Variants in SPOCK2 observed in about 807,000 individuals in gnomAD.
SPOCK2 encodes testican-2.
In SPOCK2, 39 loss-of-function variants were observed where a neutral mutation model predicts 60.1. The ratio of observed to expected loss-of-function variants is 0.65; its 90% confidence interval spans 0.50 to 0.85. SPOCK2 has a LOEUF of 0.85. Ranked by LOEUF, SPOCK2 falls within the 40% of genes least tolerant of loss-of-function variation. The pLI is 0.00. For missense variants in SPOCK2, 523 were observed against 567.4 expected (o/e 0.92, Z 0.80); for synonymous variants, 217 against 231.5 (o/e 0.94, Z 0.57).
intron 1 of SPOCK2, chr10:72,086,844 C>T: frequency 6.5e-7 from 1 of 1,545,884 alleles, no homozygotes; most frequent in Non-Finnish European, 8.7e-7. Context: ...CAAATCTCTG[C>T]CTCTTCCCAT....
At position 72,061,618 on chromosome 10, in the gene SPOCK2, T is replaced by C. The variant is rs968303731; in HGVS notation, c.*1142A>G. On this transcript the variant is annotated 3_prime_UTR_variant, in exon 11 of 11. Transcript: ENST00000373109. ...GGGAGGAGGTGGGCACACACCCCCT[T>C]AGCCTAGACCCAGGCTCCTTGCCTG... The C allele has an allele frequency of 1.5e-4, 23 of 152,434 alleles. No individual in the cohort carries two copies. Among genetic ancestry groups the C allele is most frequent in the Admixed American group, 6.5e-4 (10 of 15,284 alleles). 9.4% of individuals were successfully genotyped at this position (152,434 alleles called of 1,614,324 possible).
At position 72,063,143 on chromosome 10, in the gene SPOCK2, G is replaced by T; in HGVS notation, c.1011C>A (p.Cys337Ter). 6.4e-7 allele frequency: 1 copy of T among 1,556,870 alleles called. No individual in the cohort carries two copies. The highest frequency in any genetic ancestry group is 1.4e-5 in the African/African-American group (1 of 73,368). ...KKKPGIFIPS[C>*]DEDGYYRKMQ... ...TCTTCCGGTAGTAGCCATCCTCGTC[G>T]CAGCTCGGGATGAAGATGCCTGAAT... The change falls in exon 10 of 11, where the codon TGC becomes TGA. Residue 337 changes from cysteine to a stop codon, truncating the protein, a stop_gained. Coordinates refer to ENST00000373109, the MANE Select transcript of SPOCK2 (RefSeq NM_001244950.2). LOFTEE classifies it high-confidence loss of function.
intron 4 of SPOCK2, among the ~76,000 whole-genome samples, chr10:72,070,836 C>A (rs1171387413): frequency 6.6e-6 from 1 of 151,936 alleles, no homozygotes; most frequent in Non-Finnish European, 1.5e-5. Flanking sequence ...TATGCACTAA[C>A]ATTTACCAAA....
In SPOCK2 at chr10:72,088,290, C is replaced by T. The variant is rs1840892633; in HGVS notation, c.39G>A (p.Leu13=). 1 of 1,600,218 alleles carries T rather than the reference C, an allele frequency of 6.2e-7. No individual in the cohort carries two copies. The highest frequency in any genetic ancestry group is 8.5e-7 in the Non-Finnish European group (1 of 1,174,548). The change falls in exon 1 of 11, where the codon CTG becomes CTA. Residue 13 remains leucine (L), a synonymous_variant. Coordinates refer to ENST00000373109, the MANE Select transcript of SPOCK2 (RefSeq NM_001244950.2). The stretch of plus-strand genomic sequence containing the variant: ...CCAGGGCTGCCGCGGCCAGGAGCAG[C>T]AGCGGCAGCACCAGCCGCCCGCAGC... ...APGCGRLVLP[L]LLLAAAALAE...
rs529243531 is a variant in SPOCK2, at chr10:72,083,480, C to T, written c.189+4660G>A. ...AGATGAGCAGAGCACTCTCTCTGGC[C>T]CTTGGGGCTTAGGGTAGGACAGAGC... On this transcript the variant is annotated intron_variant, in intron 1 of 10. Transcript: ENST00000373109. Among the ~76,000 whole-genome samples the T allele has an allele frequency of 3.3e-5, 5 of 152,228 alleles. No individual in the cohort carries two copies. The South Asian group carries it at 1.0e-3, about 31-fold the overall frequency.
At chr10:72,073,031 C>T in intron 1 of SPOCK2, 121 bp from the exon 2 acceptor site, 4 of 1,389,508 alleles carry the variant, frequency 2.9e-6, no homozygotes, top group South Asian at 1.3e-5. Context: ...CATCATGTGG[C>T]CGAGCAATGG....
chr10:72,072,108 C>T (rs200376336), intron 4 of SPOCK2, 36 bp downstream of exon 4: 22 of 1,443,448 alleles, frequency 1.5e-5, no homozygotes, highest in Middle Eastern at 3.7e-4. Flanking sequence ...TTTGAACACA[C>T]CCCCTCCAGG....
chr10:72,072,789 A>T, intron 2 of SPOCK2, 113 bp downstream of exon 2: 1 of 1,497,878 alleles, frequency 6.7e-7, no homozygotes, highest in Non-Finnish European at 9.1e-7. Context: ...CTCCCATGCC[A>T]CACTGGAGGC....
upstream of SPOCK2, chr10:72,088,650 G>T (rs1840900539): frequency 7.7e-6 from 2 of 258,668 alleles, no homozygotes; most frequent in Non-Finnish European, 1.4e-5. Flanking sequence ...GGAGTGGGTA[G>T]ATTTCAAAGC....
rs181076304 is a variant in SPOCK2 at position 72,087,548 on chromosome 10, C to T, written c.189+592G>A. 7.7e-4 allele frequency among the ~76,000 whole-genome samples: 118 copies of T among 152,324 alleles called. No homozygotes were observed. The highest frequency in any genetic ancestry group is 2.7e-3 in the African/African-American group (114 of 41,574). Reference sequence around the variant, plus strand: ...CCAGCCCACCCCCGTACGGACACGCCTTCCACCATCTCGCCTAGAAGGCTG... The same window carrying T: ...CCAGCCCACCCCCGTACGGACACGCTTTCCACCATCTCGCCTAGAAGGCTG... On this transcript the variant is annotated intron_variant, in intron 1 of 10. Coordinates refer to ENST00000373109, the MANE Select transcript of SPOCK2 (RefSeq NM_001244950.2). The surrounding 1 kb of genome is among the most constrained non-coding windows in gnomAD (Gnocchi z 4.7).
At chr10:72,063,459 G>C (rs1401965237) in intron 9 of SPOCK2, among the ~76,000 whole-genome samples, 1 of 152,170 alleles carries the variant, frequency 6.6e-6, no homozygotes, top group Non-Finnish European at 1.5e-5. Context: ...AAGTCTTCTA[G>C]GACAGCCAGT....
chr10:72,062,831 C>A lies in SPOCK2; in HGVS notation c.1204G>T (p.Glu402Ter). The stretch of plus-strand genomic sequence containing the variant: ...TCCTCCTCGGCCTCCTCGCCTGCTT[C>A]CTCCGTCTCCTTCTCCTCCTCATCC... ...WEDEEEKETE[E>*]AGEEAEEEEG... Residue 402 changes from glutamate to a stop codon, truncating the protein, a stop_gained, in exon 11 of 11, where the codon GAA becomes TAA. Coordinates refer to ENST00000373109, the MANE Select transcript of SPOCK2 (RefSeq NM_001244950.2). LOFTEE classifies it high-confidence loss of function. This position sits in a 1 kb window ranked among gnomAD's most constrained non-coding sequence, Gnocchi z 4.3. The A allele has an allele frequency of 6.2e-7, 1 of 1,609,366 alleles. No individual in the cohort carries two copies.
chr10:72,070,288 C>G, intron 5 of SPOCK2, 24 bp downstream of exon 5: 1 of 1,611,692 alleles, frequency 6.2e-7, no homozygotes, highest in Non-Finnish European at 8.5e-7. Flanking sequence ...CACCCCCACC[C>G]TACCTGGGGC....
At chr10:72,075,800 G>C (rs1460096591) in intron 1 of SPOCK2, among the ~76,000 whole-genome samples, 1 of 152,094 alleles carries the variant, frequency 6.6e-6, no homozygotes, top group Non-Finnish European at 1.5e-5. Context: ...TGGATTCCAG[G>C]ACCCTCACTC....
chr10:72,086,324 A>G (rs1419087068), intron 1 of SPOCK2: 1 of 993,800 alleles, frequency 1.0e-6, no homozygotes, highest in East Asian at 1.1e-4. Flanking sequence ...CCATGGGGTC[A>G]AGCAGTAAGT....
intron 1 of SPOCK2, among the ~76,000 whole-genome samples, chr10:72,081,669 G>A (rs376700594): frequency 3.9e-5 from 6 of 152,332 alleles, no homozygotes; most frequent in African/African-American, 1.2e-4. Flanking sequence ...AGGGAGACGC[G>A]GGGACAGTCG....
intron 1 of SPOCK2, among the ~76,000 whole-genome samples, chr10:72,078,428 G>A (rs1488809777): frequency 5.3e-5 from 8 of 151,812 alleles, no homozygotes; most frequent in East Asian, 3.9e-4. Context: ...GGAGAATGGC[G>A]TGAACCCGGT....
Position 72,062,739 on chromosome 10 carries a change from G to C in SPOCK2, c.*21C>G. 6.3e-7 allele frequency: 1 copy of C among 1,589,846 alleles called. No individual in the cohort carries two copies. Among genetic ancestry groups the C allele is most frequent in the Non-Finnish European group, 8.5e-7 (1 of 1,174,554 alleles). On this transcript the variant is annotated 3_prime_UTR_variant, in exon 11 of 11. Transcript: ENST00000373109. The surrounding 1 kb of genome is among the most constrained non-coding windows in gnomAD (Gnocchi z 4.3). ...GAGCTCTGCTGTTGAGTCCCCCCCG[G>C]CAGCCGGCTCCTGAGGGCGTCTACC... is the stretch of plus-strand genomic sequence containing the variant.
chr10:72,074,811 C>T (rs1252208532), intron 1 of SPOCK2, among the ~76,000 whole-genome samples: 4 of 152,192 alleles, frequency 2.6e-5, no homozygotes, highest in Admixed American at 1.3e-4. Context: ...CGTGCCTCCC[C>T]GTGTGTTCCT....
Sources: allele counts gnomAD v4.1 joint callset (sites outside exome capture counted in the v4.1 genomes callset), GRCh38; gene constraint gnomAD v4.1.1; non-coding constraint Gnocchi (gnomAD v3.1); transcripts MANE v1.5; gene names NCBI Gene and HGNC (gene_info 2026-07-23, HGNC 2026-07-21).